MYH11: variants seen among roughly 807,000 people sequenced by gnomAD.
MYH11 encodes the protein myosin-11.
In MYH11, 80 loss-of-function variants were observed where a neutral mutation model predicts 246.6. The observed-to-expected ratio is 0.32, with a 90% confidence interval of 0.27 to 0.39. MYH11 has a LOEUF of 0.39. MYH11 is among the 10% of genes least tolerant of loss of function. The pLI is 1.00. For synonymous variants in MYH11, 1,071 were observed against 1,015.5 expected, an observed-to-expected ratio of 1.05 and a Z score of -1.04; for missense variants, 2,158 against 2,546.8, an observed-to-expected ratio of 0.85 and a Z score of 3.29.
rs2040631048 is a variant in MYH11, at chr16:15,724,235, C to T, written c.4291G>A (p.Asp1431Asn). The stretch of plus-strand genomic sequence containing the variant: ...TGGTTGTCCAAATCAACAACCAGGT[C>T]GTCCAGCTCCTGCTGAAGCCTGTTC... ...TKNRLQQELD[D>N]LVVDLDNQRQ... The change falls in exon 31 of 41, where the codon GAC (aspartate) becomes AAC (asparagine). Residue 1431 changes from aspartate (D) to asparagine (N), a missense_variant. Asp to Asn is a conservative substitution (Grantham distance 23, BLOSUM62 1). Transcript: ENST00000300036. The T allele has an allele frequency of 6.2e-7, 1 of 1,614,190 alleles. No homozygotes were observed. Among genetic ancestry groups the T allele is most frequent in the African/African-American group, 1.3e-5 (1 of 75,058 alleles).
chr16:15,826,996 C>CAAAAAAAAA (rs10573425), intron 2 of MYH11, among the ~76,000 whole-genome samples: 1 of 57,982 alleles, frequency 1.7e-5, no homozygotes, highest in Non-Finnish European at 3.7e-5. Flanking sequence ...GAACCCATCT[C>CAAAAAAAAA]AAAAAAAAAA....
intron 4 of MYH11, among the ~76,000 whole-genome samples, chr16:15,796,055 G>C (rs979855360): frequency 5.3e-5 from 8 of 152,190 alleles, no homozygotes; most frequent in African/African-American, 1.9e-4. Flanking sequence ...GGGAGCTTAA[G>C]AGACTGCTAC....
At chr16:15,714,882 G>A (rs757916188) in intron 40 of MYH11, 27 bp downstream of exon 40, 2 of 1,612,254 alleles carry the variant, frequency 1.2e-6, no homozygotes, top group South Asian at 2.2e-5. Flanking sequence ...TGAGAGACGG[G>A]GTCCTCCCGG....
At chr16:15,722,262 C>G (rs1296261974) in intron 31 of MYH11, among the ~76,000 whole-genome samples, 1 of 152,310 alleles carries the variant, frequency 6.6e-6, no homozygotes, top group Middle Eastern at 3.4e-3. Context: ...TAGTTTGTTT[C>G]ATGGCCACAA....
chr16:15,852,990 C>G lies in MYH11; in HGVS notation c.-18+3951G>C, dbSNP rs372803696. ...GTCCTAACAACTCACTGCTTCATCC[C>G]TTGAGCACAAACAAGCTATTCATTA... On this transcript the variant is annotated intron_variant, in intron 1 of 40. Coordinates refer to ENST00000300036, the MANE Select transcript of MYH11 (RefSeq NM_002474.3). 1.6e-4 allele frequency among the ~76,000 whole-genome samples: 24 copies of G among 152,308 alleles called. No individual in the cohort carries two copies. The South Asian group carries it at 4.1e-3, about 26-fold the overall frequency.
At chr16:15,832,709 T>C (rs1192381926) in intron 2 of MYH11, among the ~76,000 whole-genome samples, 1 of 152,200 alleles carries the variant, frequency 6.6e-6, no homozygotes, top group Non-Finnish European at 1.5e-5. Flanking sequence ...AATTCCTTCT[T>C]GCTCTGCACT....
chr16:15,716,354 G>A (rs55871015), intron 38 of MYH11, among the ~76,000 whole-genome samples: 33,100 of 152,008 alleles, frequency 0.22, 4,113 homozygotes, highest in East Asian at 0.37. Flanking sequence ...ATTGCAGGGC[G>A]TGCGAATTAC....
intron 1 of MYH11, among the ~76,000 whole-genome samples, chr16:15,855,485 G>T (rs1168484127): frequency 6.6e-6 from 1 of 152,178 alleles, no homozygotes; most frequent in Admixed American, 6.5e-5. Context: ...ACTGACCCGG[G>T]AATGGGTTCT....
At chr16:15,752,275 C>CT (rs991417247) in intron 15 of MYH11, among the ~76,000 whole-genome samples, 8 of 151,956 alleles carry the variant, frequency 5.3e-5, no homozygotes, top group Admixed American at 6.6e-5. Flanking sequence ...TCCTGGAGCC[C>CT]TTTTTTTAGC....
chr16:15,766,387 G>A (rs2041984015), intron 9 of MYH11, among the ~76,000 whole-genome samples: 2 of 102,098 alleles, frequency 2.0e-5, no homozygotes, highest in Admixed American at 1.8e-4. Context: ...GTGTGTGTGT[G>A]TGAGACTGAG....
chr16:15,797,121 G>GT (rs919026892), intron 4 of MYH11, among the ~76,000 whole-genome samples: 1 of 152,022 alleles, frequency 6.6e-6, no homozygotes, highest in Non-Finnish European at 1.5e-5. Context: ...CCCAACTTTT[G>GT]TTTTTTCCTG....
chr16:15,845,348 T>C (rs1378070526), intron 1 of MYH11, among the ~76,000 whole-genome samples: 1 of 151,870 alleles, frequency 6.6e-6, no homozygotes, highest in Non-Finnish European at 1.5e-5. Context: ...CTAGTGTATT[T>C]TACGTGTGGC....
At chr16:15,706,234 A>T (rs980782630) in intron 40 of MYH11, among the ~76,000 whole-genome samples, 3 of 151,816 alleles carry the variant, frequency 2.0e-5, no homozygotes, top group Non-Finnish European at 2.9e-5. Context: ...CTACTAGAGA[A>T]CTCTCCATCC....
At chr16:15,809,533 C>CA (rs2043091501) in intron 3 of MYH11, among the ~76,000 whole-genome samples, 1 of 150,232 alleles carries the variant, frequency 6.7e-6, no homozygotes, top group Non-Finnish European at 1.5e-5. Flanking sequence ...CCTTGTCTCA[C>CA]AAAAAAATGC....
At chr16:15,758,094 T>TG (rs1415797338) in intron 12 of MYH11, 94 bp from the exon 13 acceptor site, 1 of 1,571,562 alleles carries the variant, frequency 6.4e-7, no homozygotes, top group African/African-American at 1.4e-5. Flanking sequence ...AGCGCCCCCA[T>TG]GGCCCGCCCA....
At chr16:15,798,536 G>T in intron 4 of MYH11, 124 bp downstream of exon 4, 1 of 1,015,426 alleles carries the variant, frequency 9.8e-7, no homozygotes, top group South Asian at 1.6e-5. Flanking sequence ...GAGGCACTTG[G>T]AACCATGAAC....
At chr16:15,741,372 G>A in intron 22 of MYH11, 91 bp downstream of exon 22, 1 of 1,384,598 alleles carries the variant, frequency 7.2e-7, no homozygotes, top group Non-Finnish European at 1.0e-6. Context: ...TGTCCCAGCA[G>A]GGACACATAT....
Position 15,747,614 on chromosome 16 carries a change from G to A in MYH11, c.2367C>T (p.Val789=), listed in dbSNP as rs1555560257. ...EEERDLKITD[V]IMAFQAMCRG... is the part of the protein sequence containing the mutation. ...GACACATCGCCTGGAAGGCCATGATGACATCGGTGATCTTCAAATCTCGCT... is the reference window on the plus strand; with the variant it reads ...GACACATCGCCTGGAAGGCCATGATAACATCGGTGATCTTCAAATCTCGCT... The change falls in exon 19 of 41, where the codon GTC becomes GTT. Residue 789 remains valine, a synonymous_variant. Transcript: ENST00000300036. 6.2e-7 allele frequency: 1 copy of A among 1,614,130 alleles called. No individual in the cohort carries two copies. The highest frequency in any genetic ancestry group is 8.5e-7 in the Non-Finnish European group (1 of 1,180,028).
chr16:15,778,964 G>T, intron 6 of MYH11, 121 bp from the exon 7 acceptor site: 1 of 921,760 alleles, frequency 1.1e-6, no homozygotes, highest in South Asian at 1.3e-5. Context: ...AGATTCTTGC[G>T]AACACTCAGA....
Sources: allele counts gnomAD v4.1 joint callset (sites outside exome capture counted in the v4.1 genomes callset), GRCh38; gene constraint gnomAD v4.1.1; transcripts MANE v1.5; gene names NCBI Gene and HGNC (gene_info 2026-07-23, HGNC 2026-07-21).